Variants in PCDH9 observed in about 807,000 individuals in gnomAD.
PCDH9 encodes the protein protocadherin 9, also known as protocadherin-9.
In PCDH9, 24 loss-of-function variants were observed where a neutral mutation model predicts 70.6. The observed-to-expected ratio is 0.34, with a 90% CI of 0.25 to 0.48. The LOEUF is 0.48. Among genes scored for constraint, PCDH9 ranks in the 20% least tolerant of loss-of-function variants. The pLI is 0.99. For missense variants in PCDH9, 1,281 were observed against 1,503.6 expected (o/e 0.85, Z 2.45); for synonymous variants, 562 against 558.5 (o/e 1.01, Z -0.09).
At chr13:66,761,430 G>A (rs1327410097) in intron 3 of PCDH9, among the ~76,000 whole-genome samples, 1 of 151,982 alleles carries the variant, frequency 6.6e-6, no homozygotes, top group African/African-American at 2.4e-5. Context: ...TAAAAAATAA[G>A]ATTTCTACCC....
intron 3 of PCDH9, among the ~76,000 whole-genome samples, chr13:66,750,417 T>C (rs918153915): frequency 2.0e-5 from 3 of 151,712 alleles, no homozygotes; most frequent in Non-Finnish European, 4.4e-5. Flanking sequence ...GTTGAAGGTG[T>C]TTTGACTTTC....
chr13:66,738,346 C>A (rs1178210542), intron 3 of PCDH9, among the ~76,000 whole-genome samples: 7 of 151,712 alleles, frequency 4.6e-5, no homozygotes, highest in Admixed American at 4.6e-4. Flanking sequence ...ATCTGTACAT[C>A]ACCATCATCA....
intron 4 of PCDH9, among the ~76,000 whole-genome samples, chr13:66,570,149 C>A (rs2076712652): frequency 6.6e-6 from 1 of 151,990 alleles, no homozygotes; most frequent in South Asian, 2.1e-4. Flanking sequence ...AGGAAAAAAA[C>A]CCATATAAAA....
At chr13:66,653,273 A>C (rs2138996106) in intron 3 of PCDH9, among the ~76,000 whole-genome samples, 1 of 152,330 alleles carries the variant, frequency 6.6e-6, no homozygotes, top group South Asian at 2.1e-4. Flanking sequence ...ACAAGGGCTT[A>C]ACAACCAGAC....
At chr13:66,399,406 G>A (rs1957153062) in intron 4 of PCDH9, among the ~76,000 whole-genome samples, 1 of 152,106 alleles carries the variant, frequency 6.6e-6, no homozygotes, top group South Asian at 2.1e-4. Context: ...ATGTTCAAGT[G>A]GTTTAGACAG....
intron 2 of PCDH9, among the ~76,000 whole-genome samples, chr13:66,934,782 G>A (rs1594281392): frequency 8.4e-6 from 1 of 118,642 alleles, no homozygotes. Flanking sequence ...GTGCAGTGGC[G>A]CGATCTCGGC....
intron 4 of PCDH9, among the ~76,000 whole-genome samples, chr13:66,334,269 A>T (rs1566248573): frequency 2.0e-5 from 3 of 152,046 alleles, no homozygotes; most frequent in Non-Finnish European, 4.4e-5. Context: ...AATCTCCCGC[A>T]TATGAGTGAG....
chr13:66,501,432 A>C (rs980515517), intron 4 of PCDH9, among the ~76,000 whole-genome samples: 3 of 152,134 alleles, frequency 2.0e-5, no homozygotes, highest in Non-Finnish European at 4.4e-5. Context: ...GAATTTCATT[A>C]AACAGCATGG....
At chr13:66,496,667 A>T (rs1001189802) in intron 4 of PCDH9, among the ~76,000 whole-genome samples, 1 of 152,188 alleles carries the variant, frequency 6.6e-6, no homozygotes, top group Non-Finnish European at 1.5e-5. Context: ...TGGAAACAAT[A>T]TGGAACATAA....
At chr13:66,667,576 T>C (rs2078113711) in intron 3 of PCDH9, among the ~76,000 whole-genome samples, 1 of 152,170 alleles carries the variant, frequency 6.6e-6, no homozygotes, top group South Asian at 2.1e-4. Flanking sequence ...TCCAAATTTA[T>C]CGTGTTTTAT....
chr13:66,495,342 G>GA (rs1163448339), intron 4 of PCDH9, among the ~76,000 whole-genome samples: 1 of 152,044 alleles, frequency 6.6e-6, no homozygotes, highest in East Asian at 1.9e-4. Flanking sequence ...ATGACACATT[G>GA]AAAAACACTA....
At chr13:67,046,578 AT>A (rs1018029514) in intron 2 of PCDH9, among the ~76,000 whole-genome samples, 14 of 152,030 alleles carry the variant, frequency 9.2e-5, no homozygotes, top group Admixed American at 3.3e-4. Context: ...AGGATCTAGG[AT>A]TTTTTTTCAT....
chr13:66,481,055 C>T (rs1336499616), intron 4 of PCDH9, among the ~76,000 whole-genome samples: 4 of 151,902 alleles, frequency 2.6e-5, no homozygotes, highest in Admixed American at 6.6e-5. Flanking sequence ...AACACAGGAA[C>T]AGAAAACCAA....
At chr13:67,171,403 T>A (rs1428083904) in intron 2 of PCDH9, among the ~76,000 whole-genome samples, 1 of 152,138 alleles carries the variant, frequency 6.6e-6, no homozygotes. Context: ...CTGTCACCAA[T>A]CATTAACCCT....
intron 3 of PCDH9, among the ~76,000 whole-genome samples, chr13:66,776,308 G>A (rs2079891807): frequency 6.6e-6 from 1 of 150,428 alleles, no homozygotes. Flanking sequence ...GAAATAAAGG[G>A]TATTCAATTA....
At chr13:66,681,511 G>C (rs1031504336) in intron 3 of PCDH9, among the ~76,000 whole-genome samples, 1 of 151,940 alleles carries the variant, frequency 6.6e-6, no homozygotes, top group African/African-American at 2.4e-5. Context: ...GCCTCCATCT[G>C]TATTGTCTGA....
chr13:66,938,750 A>G (rs1031154852), intron 2 of PCDH9, among the ~76,000 whole-genome samples: 40 of 152,274 alleles, frequency 2.6e-4, no homozygotes, highest in African/African-American at 8.7e-4. Context: ...CCAGAGAATT[A>G]TTTTTGTTAA....
intron 4 of PCDH9, among the ~76,000 whole-genome samples, chr13:66,524,661 A>G (rs1960137010): frequency 6.6e-6 from 1 of 152,050 alleles, no homozygotes; most frequent in Admixed American, 6.6e-5. Context: ...GAACAGAAGT[A>G]AAAAGGTTTT....
chr13:66,613,638 G>A lies in PCDH9; in HGVS notation c.3340+17572C>T, dbSNP rs2077320465. Reference sequence around the variant, plus strand: ...GTTTAGCAATCCTGCCTTAGGGGATGAGCCCTCTCAGGTTAGATATCTGCA... The same window carrying A: ...GTTTAGCAATCCTGCCTTAGGGGATAAGCCCTCTCAGGTTAGATATCTGCA... On this transcript the variant is annotated intron_variant, in intron 4 of 4. Transcript: ENST00000377865. 2.6e-5 allele frequency among the ~76,000 whole-genome samples: 4 copies of A among 152,300 alleles called. No homozygotes were observed. In the South Asian group the frequency reaches 8.3e-4, roughly 32 times the overall value.
Sources: allele counts gnomAD v4.1 joint callset (sites outside exome capture counted in the v4.1 genomes callset), GRCh38; gene constraint gnomAD v4.1.1; transcripts MANE v1.5; gene names NCBI Gene and HGNC (gene_info 2026-07-23, HGNC 2026-07-21).